PDE4D: variants seen among roughly 807,000 people sequenced by gnomAD.
PDE4D encodes the protein 3',5'-cyclic-AMP phosphodiesterase 4D.
A neutral mutation model predicts 87.4 loss-of-function variants in PDE4D; 24 were observed. The observed-to-expected ratio is 0.27, with a 90% confidence interval of 0.20 to 0.39. PDE4D has a LOEUF of 0.39. Among genes scored for constraint, PDE4D ranks in the 10% least tolerant of loss-of-function variants. PDE4D has a pLI of 1.00. For missense variants in PDE4D, 714 were observed against 1,041.0 expected, an observed-to-expected ratio of 0.69 and a Z score of 4.32; for synonymous variants, 384 against 383.2, an observed-to-expected ratio of 1.00 and a Z score of -0.02.
At chr5:59,235,244 A>C (rs1029249885) in intron 1 of PDE4D, among the ~76,000 whole-genome samples, 3 of 152,172 alleles carry the variant, frequency 2.0e-5, no homozygotes, top group Admixed American at 2.0e-4. Flanking sequence ...GTCCAAAAAG[A>C]GTTCCATCTG....
At chr5:59,648,720 C>CAAA (rs34222734) in intron 1 of PDE4D, among the ~76,000 whole-genome samples, 3 of 140,674 alleles carry the variant, frequency 2.1e-5, no homozygotes, top group Non-Finnish European at 3.1e-5. Context: ...CATCTAACCT[C>CAAA]AAAAAAAAAA....
rs77121297 is a variant in PDE4D at position 60,093,269 on chromosome 5, G to T, written c.42+92288C>A. On this transcript the variant is annotated intron_variant, in intron 2 of 16. Coordinates refer to the PDE4D transcript ENST00000502484. ...GCTTATCCTTTGAAAGGATTTCATG[G>T]GTTCTCTAAAATTCTGCAATACCTA... 5.8e-3 allele frequency among the ~76,000 whole-genome samples: 879 copies of T among 152,212 alleles called. 11 individuals are homozygous for T. The highest frequency in any genetic ancestry group is 0.02 in the African/African-American group (845 of 41,514).
chr5:59,668,627 C>T (rs947151101), intron 1 of PDE4D, among the ~76,000 whole-genome samples: 2 of 151,402 alleles, frequency 1.3e-5, no homozygotes, highest in Admixed American at 6.6e-5. Context: ...AGGATCACTT[C>T]GGTCCAGGAG....
intron 2 of PDE4D, among the ~76,000 whole-genome samples, chr5:60,135,626 T>C (rs748187446): frequency 6.6e-5 from 10 of 152,114 alleles, no homozygotes; most frequent in Non-Finnish European, 1.2e-4. Context: ...GCAAATGCAT[T>C]TGTAGAAAGA....
chr5:60,345,329 G>A (rs1758658712), intron 1 of PDE4D, among the ~76,000 whole-genome samples: 1 of 151,940 alleles, frequency 6.6e-6, no homozygotes, highest in South Asian at 2.1e-4. Flanking sequence ...GAAAACATTA[G>A]GAGATATACC....
chr5:59,392,506 T>TATATATATATA (rs1788442883), intron 1 of PDE4D, among the ~76,000 whole-genome samples: 1 of 116,028 alleles, frequency 8.6e-6, no homozygotes, highest in Non-Finnish European at 1.7e-5. Context: ...TGTGTGTCTA[T>TATATATATATA]ATATATATAT....
intron 1 of PDE4D, chr5:59,586,930 CT>C: frequency 1.0e-6 from 1 of 985,428 alleles, no homozygotes; most frequent in Non-Finnish European, 1.2e-6. Flanking sequence ...GTGCTACCGT[CT>C]GAGACGTGTC....
intron 2 of PDE4D, among the ~76,000 whole-genome samples, chr5:60,077,331 G>A (rs1342890337): frequency 6.6e-6 from 1 of 152,230 alleles, no homozygotes; most frequent in Non-Finnish European, 1.5e-5. Flanking sequence ...GCAAAGCAAT[G>A]TGGGGGTGGC....
At chr5:59,039,277 C>T (rs370930647) in intron 5 of PDE4D, 7 of 1,146,400 alleles carry the variant, frequency 6.1e-6, no homozygotes, top group East Asian at 1.3e-4. Context: ...AACCACTATG[C>T]GACTTTTCAA....
chr5:59,485,941 A>G (rs1805066477), intron 1 of PDE4D, among the ~76,000 whole-genome samples: 1 of 152,128 alleles, frequency 6.6e-6, no homozygotes, highest in African/African-American at 2.4e-5. Flanking sequence ...CTATCTAAAT[A>G]CCATCAAAGC....
intron 2 of PDE4D, among the ~76,000 whole-genome samples, chr5:60,081,324 C>CAAAA (rs35584107): frequency 7.1e-6 from 1 of 140,766 alleles, no homozygotes; most frequent in African/African-American, 2.6e-5. Flanking sequence ...TTAGTTTTTT[C>CAAAA]AAAAAAAAAA....
At chr5:59,773,773 C>T (rs1014005776) in intron 1 of PDE4D, among the ~76,000 whole-genome samples, 2 of 152,066 alleles carry the variant, frequency 1.3e-5, no homozygotes, top group Admixed American at 1.3e-4. Flanking sequence ...AAAAGCACAT[C>T]TGAACACTGT....
intron 5 of PDE4D, among the ~76,000 whole-genome samples, chr5:59,128,015 C>CGTGTGTGT (rs55796726): frequency 0.065 from 9,346 of 144,224 alleles, 391 homozygotes; most frequent in South Asian, 0.12. Context: ...CTTTCAGAGC[C>CGTGTGTGT]GTGTGTGTGT....
intron 1 of PDE4D, among the ~76,000 whole-genome samples, chr5:60,325,717 A>G (rs113711033): frequency 4.9e-4 from 74 of 152,240 alleles, no homozygotes; most frequent in African/African-American, 1.7e-3. Context: ...ATCACAACCA[A>G]TATATTGACA....
At chr5:60,492,269 A>C (rs1749574972), upstream of PDE4D, among the ~76,000 whole-genome samples, 1 of 152,066 alleles carries the variant, frequency 6.6e-6, no homozygotes, top group African/African-American at 2.4e-5. Flanking sequence ...TCTCTGCAAA[A>C]AAGAGAAACA....
intron 2 of PDE4D, among the ~76,000 whole-genome samples, chr5:60,020,760 T>C (rs1330592060): frequency 2.0e-5 from 3 of 152,180 alleles, no homozygotes; most frequent in Non-Finnish European, 2.9e-5. Flanking sequence ...ACCAAGCCAA[T>C]ACCTGATCTG....
Position 58,972,337 on chromosome 5 carries a change from T to C in PDE4D, c.*2327A>G, listed in dbSNP as rs1355693390. 1.3e-5 allele frequency: 2 copies of C among 152,640 alleles called. No homozygotes were observed. The highest frequency in any genetic ancestry group is 4.8e-5 in the African/African-American group (2 of 41,456). 9.5% of individuals were successfully genotyped at this position (152,640 alleles called of 1,614,324 possible). A position where few individuals can be genotyped will look rare whatever the true frequency, so the allele number is the denominator to read the frequency against. ...TATTTGAAAGATTACCATCTGATCTTTACAGAGGAAACAGAGTAGAAACCT... is the reference window on the plus strand; with the variant it reads ...TATTTGAAAGATTACCATCTGATCTCTACAGAGGAAACAGAGTAGAAACCT... On this transcript the variant is annotated 3_prime_UTR_variant, in exon 15 of 15. Coordinates refer to ENST00000340635, the MANE Select transcript of PDE4D (RefSeq NM_001104631.2).
chr5:59,669,034 T>G (rs778384016), intron 1 of PDE4D, among the ~76,000 whole-genome samples: 7 of 152,218 alleles, frequency 4.6e-5, no homozygotes, highest in Non-Finnish European at 7.3e-5. Context: ...GTTTGACACA[T>G]TCAGTTAGGT....
chr5:59,458,518 C>T (rs1800261354), intron 1 of PDE4D, among the ~76,000 whole-genome samples: 1 of 152,152 alleles, frequency 6.6e-6, no homozygotes, highest in Non-Finnish European at 1.5e-5. Context: ...TCTGAATCTG[C>T]TTTGTTTGTT....
Sources: gnomAD v4.1 joint callset for allele counts (sites outside exome capture counted in the v4.1 genomes callset) on GRCh38, gnomAD v4.1.1 for gene constraint, MANE v1.5 for transcripts, NCBI Gene and HGNC (gene_info 2026-07-23, HGNC 2026-07-21) for gene names.